The following DCLK2 variants were observed in gnomAD, a reference collection of about 807,000 sequenced individuals.
The protein encoded by DCLK2 is serine/threonine-protein kinase DCLK2.
DCLK2 carries 31 observed loss-of-function variants against 78.4 expected under a neutral mutation model. The observed-to-expected ratio is 0.40, with a 90% confidence interval of 0.30 to 0.53. DCLK2 has a LOEUF of 0.53. DCLK2 is among the 20% of genes least tolerant of loss of function. The pLI, the probability that DCLK2 is intolerant of heterozygous loss-of-function variation, is 0.61. For synonymous variants in DCLK2, 407 were observed against 374.9 expected (o/e 1.09, Z -0.99); for missense variants, 872 against 973.7 (o/e 0.90, Z 1.39).
chr4:150,214,025 AT>A (rs1740502040), intron 5 of DCLK2, among the ~76,000 whole-genome samples: 2 of 152,212 alleles, frequency 1.3e-5, no homozygotes, highest in South Asian at 4.1e-4. Flanking sequence ...TACCTAACTC[AT>A]TCAATGCAAA....
chr4:150,172,759 TTG>T (rs1491353875), intron 2 of DCLK2, among the ~76,000 whole-genome samples: 33 of 134,616 alleles, frequency 2.5e-4, no homozygotes, highest in African/African-American at 8.1e-4. Flanking sequence ...CTTTTTTTTT[TTG>T]GGGGGGGGGG....
intron 15 of DCLK2, among the ~76,000 whole-genome samples, chr4:150,250,660 A>G (rs1240652756): frequency 6.6e-6 from 1 of 151,668 alleles, no homozygotes; most frequent in Non-Finnish European, 1.5e-5. Context: ...ACAGCTAAGG[A>G]TGGGCCACCT....
At chr4:150,253,193 C>G (rs554820488) in intron 15 of DCLK2, 8 of 499,304 alleles carry the variant, frequency 1.6e-5, no homozygotes, top group South Asian at 4.4e-5. Context: ...AAAATAACCT[C>G]AAAATGACTC....
intron 2 of DCLK2, among the ~76,000 whole-genome samples, chr4:150,136,767 C>T (rs934396919): frequency 2.6e-5 from 4 of 152,102 alleles, no homozygotes; most frequent in African/African-American, 9.7e-5. Context: ...TTCAAACCAA[C>T]TCTATACCTA....
intron 2 of DCLK2, among the ~76,000 whole-genome samples, chr4:150,176,983 T>A (rs116164187): frequency 6.6e-6 from 1 of 152,356 alleles, no homozygotes; most frequent in Non-Finnish European, 1.5e-5. Flanking sequence ...ATCATGTCTC[T>A]GAATGCAAGA....
At chr4:150,183,719 ATTTCTTTTTTTCTT>A (rs1257335821) in intron 2 of DCLK2, among the ~76,000 whole-genome samples, 33 of 150,998 alleles carry the variant, frequency 2.2e-4, no homozygotes, top group Admixed American at 2.0e-4. Context: ...ATTTCTTTTG[ATTTCTTTTTTTCTT>A]TTTCTTTTTT....
At chr4:150,198,693 C>T (rs1687608095) in intron 4 of DCLK2, among the ~76,000 whole-genome samples, 1 of 151,996 alleles carries the variant, frequency 6.6e-6, no homozygotes. Context: ...ACATAAATAT[C>T]TTCATATATT....
At chr4:150,124,922 G>T (rs1173172267) in intron 2 of DCLK2, among the ~76,000 whole-genome samples, 1 of 152,174 alleles carries the variant, frequency 6.6e-6, no homozygotes, top group Non-Finnish European at 1.5e-5. Flanking sequence ...CAAGGAGCTG[G>T]TTGCATGCAT....
chr4:150,223,533 C>T (rs754882014), intron 7 of DCLK2, among the ~76,000 whole-genome samples: 2 of 152,180 alleles, frequency 1.3e-5, no homozygotes, highest in Non-Finnish European at 2.9e-5. Context: ...CACCTGAGGT[C>T]AGGAGTTCAA....
At chr4:150,249,717 C>T (rs200934621) in intron 15 of DCLK2, 33 bp downstream of exon 15, 100 of 1,567,974 alleles carry the variant, frequency 6.4e-5, no homozygotes, top group Admixed American at 2.2e-4. Context: ...GGCCTGACTG[C>T]GGAGCCGGCC....
chr4:150,245,892 C>T (rs1743272591), intron 12 of DCLK2, among the ~76,000 whole-genome samples: 1 of 152,138 alleles, frequency 6.6e-6, no homozygotes, highest in African/African-American at 2.4e-5. Flanking sequence ...TTTGACCCAG[C>T]CATCCCATTA....
intron 2 of DCLK2, among the ~76,000 whole-genome samples, chr4:150,161,226 C>T (rs1735685331): frequency 6.6e-6 from 1 of 152,178 alleles, no homozygotes; most frequent in Non-Finnish European, 1.5e-5. Context: ...TGCCCAGATA[C>T]AGGCTATCTT....
At chr4:150,136,265 G>A (rs1244576599) in intron 2 of DCLK2, among the ~76,000 whole-genome samples, 1 of 152,232 alleles carries the variant, frequency 6.6e-6, no homozygotes, top group African/African-American at 2.4e-5. Flanking sequence ...GGATTTAGAA[G>A]TACGGTCCCT....
At position 150,078,721 on chromosome 4, in the gene DCLK2, T is replaced by G; in HGVS notation, c.-307T>G. ...TCCCGGTCGGCTCCCGAGCGGGACT[T>G]GTGAGGCGTGGCCGGGTGGAGGAGG... On this transcript the variant is annotated 5_prime_UTR_variant, in exon 1 of 16. Transcript: ENST00000296550. 6 of 227,646 alleles carry G rather than the reference T, an allele frequency of 2.6e-5. No homozygotes were observed. Among genetic ancestry groups the G allele is most frequent in the Non-Finnish European group, 5.1e-5 (6 of 117,470 alleles). 14.1% of individuals were successfully genotyped at this position (227,646 alleles called of 1,614,324 possible).
At chr4:150,210,772 A>T (rs929202142) in intron 5 of DCLK2, among the ~76,000 whole-genome samples, 3 of 151,532 alleles carry the variant, frequency 2.0e-5, no homozygotes, top group African/African-American at 7.3e-5. Context: ...AAATGGTGAA[A>T]CCCTATCTCT....
At chr4:150,127,908 A>C (rs1733031176) in intron 2 of DCLK2, among the ~76,000 whole-genome samples, 1 of 152,168 alleles carries the variant, frequency 6.6e-6, no homozygotes, top group African/African-American at 2.4e-5. Context: ...TTAGGTAAAC[A>C]CCCATACTTT....
rs548654953 is a variant in DCLK2, at chr4:150,079,162, C to T, written c.135C>T (p.Ile45=). 3 of 1,606,760 alleles carry T rather than the reference C, an allele frequency of 1.9e-6. No individual in the cohort carries two copies. The highest frequency in any genetic ancestry group is 2.5e-6 in the Non-Finnish European group (3 of 1,176,576). The change falls in exon 1 of 16, where the codon ATC becomes ATT. Residue 45 remains isoleucine, a synonymous_variant. Transcript: ENST00000296550. ...CGGGCCCCAAGGGGAACGGGCTCAT[C>T]CCCAGTCCGGCGCACAGTGCCCACT... The part of the protein sequence containing the change: ...SSSGPKGNGL[I]PSPAHSAHCS...
chr4:150,081,830 T>TAAA (rs144505113), intron 1 of DCLK2, among the ~76,000 whole-genome samples: 11 of 143,180 alleles, frequency 7.7e-5, no homozygotes, highest in African/African-American at 2.9e-4. Flanking sequence ...CATCTCTACT[T>TAAA]AAAAAAAAAA....
chr4:150,218,056 G>GCT (rs374063768), intron 5 of DCLK2, among the ~76,000 whole-genome samples: 1,717 of 149,402 alleles, frequency 0.011, 21 homozygotes, highest in Non-Finnish European at 0.018. Flanking sequence ...TCTCACTCTC[G>GCT]CTCTCTCTCT....
Sources: gnomAD v4.1 joint callset for allele counts (sites outside exome capture counted in the v4.1 genomes callset) on GRCh38, gnomAD v4.1.1 for gene constraint, MANE v1.5 for transcripts, NCBI Gene and HGNC (gene_info 2026-07-23, HGNC 2026-07-21) for gene names.